Variants in E2F3 observed in about 807,000 individuals in gnomAD.
E2F3 encodes the protein E2F transcription factor 3.
Under a neutral mutation model 44.4 loss-of-function variants are expected in E2F3, and 11 were observed. The observed-to-expected ratio is 0.25, with a 90% CI of 0.16 to 0.41. The LOEUF is 0.41. E2F3 is among the 10% of genes least tolerant of loss of function. The probability of loss-of-function intolerance (pLI) is 1.00; values close to 1 mark genes in which losing one functional copy is unlikely to be tolerated. For synonymous variants in E2F3, 249 were observed against 253.0 expected (o/e 0.98, Z 0.15); for missense variants, 487 against 583.6 (o/e 0.83, Z 1.70).
At chr6:20,418,405 G>A (rs1223513596) in intron 1 of E2F3, among the ~76,000 whole-genome samples, 1 of 152,186 alleles carries the variant, frequency 6.6e-6, no homozygotes, top group Non-Finnish European at 1.5e-5. Context: ...TTGGCTGTCT[G>A]TTTTAGCTAA....
chr6:20,406,596 A>G (rs563142974), intron 1 of E2F3, among the ~76,000 whole-genome samples: 3 of 152,332 alleles, frequency 2.0e-5, no homozygotes, highest in African/African-American at 7.2e-5. Context: ...GGGGTAAAAT[A>G]GGGACATTTC....
At chr6:20,427,726 C>G (rs928855782) in intron 1 of E2F3, among the ~76,000 whole-genome samples, 13 of 152,150 alleles carry the variant, frequency 8.5e-5, no homozygotes, top group African/African-American at 2.9e-4. Context: ...TGGAAGTTGG[C>G]CTTCCTGACA....
intron 1 of E2F3, among the ~76,000 whole-genome samples, chr6:20,448,280 C>A (rs1761014325): frequency 6.6e-6 from 1 of 152,154 alleles, no homozygotes; most frequent in South Asian, 2.1e-4. Flanking sequence ...TGCAGACTAG[C>A]ATGTTGCCTT....
intron 1 of E2F3, among the ~76,000 whole-genome samples, chr6:20,449,037 C>T (rs1330075330): frequency 6.6e-6 from 1 of 152,194 alleles, no homozygotes; most frequent in Non-Finnish European, 1.5e-5. Context: ...GGCCTCCTGG[C>T]AGTCAGTCAC....
intron 1 of E2F3, among the ~76,000 whole-genome samples, chr6:20,424,210 G>GGTATGTGTGTGTGTGT (rs58738322): frequency 0.013 from 1,718 of 136,968 alleles, 41 homozygotes; most frequent in East Asian, 0.061. Context: ...TCAGTGGAAG[G>GGTATGTGTGTGTGTGT]GTGTGTGTGT....
chr6:20,402,204 C>T lies in E2F3; in HGVS notation c.-29C>T, dbSNP rs372971458. 6.4e-7 allele frequency: 1 copy of T among 1,564,198 alleles called. No individual in the cohort carries two copies. The highest frequency in any genetic ancestry group is 8.6e-7 in the Non-Finnish European group (1 of 1,164,346). ...AATTGAAAACAATACATTAATATAC[C>T]ATAACACTAAAAAGAGCAGGAGCGA... On this transcript the variant is annotated 5_prime_UTR_variant, in exon 1 of 7. Coordinates refer to ENST00000346618, the MANE Select transcript of E2F3 (RefSeq NM_001949.5). This position sits in a 1 kb window ranked among gnomAD's most constrained non-coding sequence, Gnocchi z 5.6.
chr6:20,456,602 TA>T (rs1313421669), intron 1 of E2F3, among the ~76,000 whole-genome samples: 5 of 151,772 alleles, frequency 3.3e-5, no homozygotes, highest in Middle Eastern at 3.4e-3. Context: ...TAGATTTTGT[TA>T]AAAAAAAATT....
At chr6:20,448,272 C>T (rs922412413) in intron 1 of E2F3, among the ~76,000 whole-genome samples, 2 of 152,212 alleles carry the variant, frequency 1.3e-5, no homozygotes, top group African/African-American at 4.8e-5. Context: ...AGTGCTCTTG[C>T]AGACTAGCAT....
At chr6:20,425,911 G>A (rs974995440) in intron 1 of E2F3, among the ~76,000 whole-genome samples, 5 of 152,190 alleles carry the variant, frequency 3.3e-5, no homozygotes, top group African/African-American at 9.7e-5. Flanking sequence ...TTGGTTCTTA[G>A]AGGTGAACAT....
chr6:20,430,126 A>G (rs1760350554), intron 1 of E2F3, among the ~76,000 whole-genome samples: 1 of 152,226 alleles, frequency 6.6e-6, no homozygotes, highest in Non-Finnish European at 1.5e-5. Flanking sequence ...ATTCTGGAAT[A>G]TTATGATAGG....
At position 20,457,689 on chromosome 6, in the gene E2F3, C is replaced by A. The variant is rs142727496; in HGVS notation, c.394-22157C>A. ...CCTCCTGAGAAGTCCTTGTTCTGCA[C>A]GAGCTAAAATTCCCATTCAAATAAA... On this transcript the variant is annotated intron_variant, in intron 1 of 6. Coordinates refer to ENST00000346618, the MANE Select transcript of E2F3 (RefSeq NM_001949.5). 1.8e-3 allele frequency among the ~76,000 whole-genome samples: 272 copies of A among 152,216 alleles called. 4 individuals carry two copies. The Middle Eastern group carries it at 0.031, about 17-fold the overall frequency.
chr6:20,411,757 C>A (rs763832260), intron 1 of E2F3, among the ~76,000 whole-genome samples: 2 of 152,196 alleles, frequency 1.3e-5, no homozygotes, highest in African/African-American at 4.8e-5. Flanking sequence ...GGCACAGCCT[C>A]CCCCAGTTTC....
intron 1 of E2F3, among the ~76,000 whole-genome samples, chr6:20,410,208 A>T (rs909928711): frequency 3.9e-5 from 6 of 152,132 alleles, no homozygotes; most frequent in African/African-American, 1.4e-4. Context: ...CCTGAGGCCC[A>T]CACTATCTCC....
At chr6:20,418,025 G>A (rs1759904384) in intron 1 of E2F3, among the ~76,000 whole-genome samples, 1 of 152,160 alleles carries the variant, frequency 6.6e-6, no homozygotes, top group Non-Finnish European at 1.5e-5. Flanking sequence ...CTTGCTTCCT[G>A]CCTTGCTCTA....
intron 1 of E2F3, among the ~76,000 whole-genome samples, chr6:20,474,549 C>T (rs929593857): frequency 4.6e-5 from 7 of 152,146 alleles, no homozygotes; most frequent in Non-Finnish European, 2.9e-5. Flanking sequence ...ATGAATACCT[C>T]TCCAATCAGT....
intron 1 of E2F3, among the ~76,000 whole-genome samples, chr6:20,428,723 C>T: frequency 6.6e-6 from 1 of 152,138 alleles, no homozygotes; most frequent in East Asian, 1.9e-4. Context: ...ACACAACTTC[C>T]ACATATAAAG....
In E2F3 at chr6:20,492,789, G is replaced by A; in HGVS notation, c.*2359G>A. On this transcript the variant is annotated 3_prime_UTR_variant, in exon 7 of 7. Transcript: ENST00000346618. ...TTTAACTGGTGTACATTAATTAGAT[G>A]TCCATACTGTATTTTGTTTGCATTA... The A allele has an allele frequency of 4.4e-6, 1 of 228,606 alleles. No individual in the cohort carries two copies. The highest frequency in any genetic ancestry group is 6.3e-5 in the East Asian group (1 of 15,958). 14.2% of individuals were successfully genotyped at this position (228,606 alleles called of 1,614,324 possible).
At chr6:20,475,882 T>C (rs563200847) in intron 1 of E2F3, among the ~76,000 whole-genome samples, 1 of 152,340 alleles carries the variant, frequency 6.6e-6, no homozygotes, top group East Asian at 1.9e-4. Flanking sequence ...CAAAGCTGTT[T>C]TCTTTGAGGC....
chr6:20,426,010 T>C (rs1760203722), intron 1 of E2F3, among the ~76,000 whole-genome samples: 1 of 152,212 alleles, frequency 6.6e-6, no homozygotes, highest in South Asian at 2.1e-4. Context: ...GGAAAAGTAA[T>C]CTCATTTATT....
Sources: gnomAD v4.1 joint callset for allele counts (sites outside exome capture counted in the v4.1 genomes callset) on GRCh38, gnomAD v4.1.1 for gene constraint, Gnocchi (gnomAD v3.1) non-coding constraint, MANE v1.5 for transcripts, NCBI Gene and HGNC (gene_info 2026-07-23, HGNC 2026-07-21) for gene names.